The following CTNNA2 variants were observed in gnomAD, a reference collection of about 807,000 sequenced individuals.
CTNNA2 encodes catenin alpha-2.
Under a neutral mutation model 101.0 loss-of-function variants are expected in CTNNA2, and 42 were observed. The ratio of observed to expected loss-of-function variants is 0.42; its 90% CI spans 0.32 to 0.54. CTNNA2 has a LOEUF of 0.54. Ranked by LOEUF, CTNNA2 falls within the 20% of genes least tolerant of loss-of-function variation. CTNNA2 has a pLI of 0.14. For missense variants in CTNNA2, 871 were observed against 1,223.1 expected (o/e 0.71, Z 4.29); for synonymous variants, 450 against 456.4 (o/e 0.99, Z 0.18).
rs1706500442 is a variant in CTNNA2 at position 80,191,506 on chromosome 2, T to G, written c.1057-201705T>G. ...GCAAGTGAGTCTCACTTCTTCCCAT[T>G]CAGATGCCCTTTTTCTTCCCTTCTT... On this transcript the variant is annotated intron_variant, in intron 7 of 18. Transcript: ENST00000402739. 2.0e-5 allele frequency among the ~76,000 whole-genome samples: 3 copies of G among 152,184 alleles called. 1 individual carries two copies. The South Asian group carries it at 6.2e-4, about 32-fold the overall frequency.
chr2:80,427,599 T>A (rs1286684599), intron 9 of CTNNA2, among the ~76,000 whole-genome samples: 3 of 152,236 alleles, frequency 2.0e-5, no homozygotes, highest in Non-Finnish European at 2.9e-5. Context: ...CTTCATCTTC[T>A]TGACTTAGTT....
intron 7 of CTNNA2, among the ~76,000 whole-genome samples, chr2:80,355,143 C>T (rs145122639): frequency 6.6e-6 from 1 of 152,252 alleles, no homozygotes; most frequent in African/African-American, 2.4e-5. Flanking sequence ...TAGCAGACAT[C>T]GCTATATGCC....
chr2:80,102,216 A>G (rs1197056693), intron 7 of CTNNA2, among the ~76,000 whole-genome samples: 1 of 152,248 alleles, frequency 6.6e-6, no homozygotes, highest in African/African-American at 2.4e-5. Flanking sequence ...AATCTTTCTC[A>G]TATCTTCCTC....
At chr2:79,591,868 A>G (rs1027725399) in intron 1 of CTNNA2, among the ~76,000 whole-genome samples, 1 of 150,666 alleles carries the variant, frequency 6.6e-6, no homozygotes, top group African/African-American at 2.4e-5. Flanking sequence ...GTTATTTTGG[A>G]AGCTGTTTTA....
chr2:80,334,610 TAG>T lies in CTNNA2; in HGVS notation c.1057-58598_1057-58597del, dbSNP rs530168474. Reference sequence around the variant, plus strand: ...CAGACATCCCACACTCTTTCTAACATAGAGTCTTTGAATGTGATTATTTTTCC... The same window carrying T: ...CAGACATCCCACACTCTTTCTAACATAGTCTTTGAATGTGATTATTTTTCC... On this transcript the variant is annotated intron_variant, in intron 7 of 18. Transcript: ENST00000402739. Among the ~76,000 whole-genome samples, 1,046 of 152,336 alleles carry T rather than the reference TAG, an allele frequency of 6.9e-3. 6 individuals are homozygous for T. The highest frequency in any genetic ancestry group is 0.011 in the Non-Finnish European group (729 of 68,032).
At chr2:80,389,930 A>G (rs1310310614) in intron 7 of CTNNA2, among the ~76,000 whole-genome samples, 1 of 152,226 alleles carries the variant, frequency 6.6e-6, no homozygotes, top group Non-Finnish European at 1.5e-5. Flanking sequence ...CAAGAGTAAC[A>G]TGGAATGATT....
At chr2:80,547,053 C>T (rs370465767) in intron 11 of CTNNA2, among the ~76,000 whole-genome samples, 3 of 152,178 alleles carry the variant, frequency 2.0e-5, no homozygotes, top group African/African-American at 7.2e-5. Context: ...CAGACAGGAC[C>T]TCTGACTGCA....
At chr2:79,968,357 C>A (rs1452906189) in intron 7 of CTNNA2, among the ~76,000 whole-genome samples, 1 of 152,134 alleles carries the variant, frequency 6.6e-6, no homozygotes, top group Admixed American at 6.6e-5. Flanking sequence ...ATACAAAATT[C>A]ATGAGAACAG....
chr2:80,013,652 C>T (rs78217611), intron 7 of CTNNA2, among the ~76,000 whole-genome samples: 41 of 152,276 alleles, frequency 2.7e-4, no homozygotes, highest in African/African-American at 5.8e-4. Context: ...CTTCCACCCA[C>T]GTAATTTACC....
intron 13 of CTNNA2, among the ~76,000 whole-genome samples, chr2:80,580,841 C>A (rs1041449016): frequency 1.3e-5 from 2 of 152,068 alleles, no homozygotes; most frequent in African/African-American, 4.8e-5. Context: ...GTGGTGAAAC[C>A]TTGTCTCTAC....
At chr2:79,390,496 A>G (rs1188288227) in intron 4 of CTNNA2, among the ~76,000 whole-genome samples, 1 of 152,172 alleles carries the variant, frequency 6.6e-6, no homozygotes, top group African/African-American at 2.4e-5. Flanking sequence ...TACTTCATCC[A>G]GACATGAATT....
At chr2:80,038,198 C>CT (rs1695792336) in intron 7 of CTNNA2, among the ~76,000 whole-genome samples, 1 of 152,220 alleles carries the variant, frequency 6.6e-6, no homozygotes, top group African/African-American at 2.4e-5. Context: ...CGGGATCCTG[C>CT]TAAGATGAGC....
rs139133613 is a variant in CTNNA2 at position 80,127,463 on chromosome 2, C to A, written c.1056+217666C>A. On this transcript the variant is annotated intron_variant, in intron 7 of 18. Coordinates refer to ENST00000402739, the MANE Select transcript of CTNNA2 (RefSeq NM_001282597.3). ...GTTTCATAATGATCAGCCTTTCCCTCCAACCATCTAACATGACAGATGTGG... is the reference window on the plus strand; with the variant it reads ...GTTTCATAATGATCAGCCTTTCCCTACAACCATCTAACATGACAGATGTGG... 2.0e-5 allele frequency among the ~76,000 whole-genome samples: 3 copies of A among 152,244 alleles called. No homozygotes were observed. In the East Asian group the frequency reaches 5.8e-4, roughly 29 times the overall value.
At chr2:79,660,382 A>G (rs1201333656) in intron 2 of CTNNA2, among the ~76,000 whole-genome samples, 1 of 151,256 alleles carries the variant, frequency 6.6e-6, no homozygotes, top group East Asian at 1.9e-4. Context: ...CATATATAGT[A>G]TACACATACA....
chr2:80,438,458 G>A (rs555302923), intron 9 of CTNNA2, among the ~76,000 whole-genome samples: 2 of 151,780 alleles, frequency 1.3e-5, no homozygotes, highest in East Asian at 3.9e-4. Flanking sequence ...TTGAGAGAAG[G>A]GAAGCAGAAA....
chr2:79,525,339 G>C (rs1456402433), intron 1 of CTNNA2, among the ~76,000 whole-genome samples: 5 of 151,940 alleles, frequency 3.3e-5, no homozygotes, highest in African/African-American at 1.2e-4. Context: ...CACGAAAATG[G>C]TTATTTTGAA....
chr2:79,642,915 C>T (rs567940842), intron 1 of CTNNA2, among the ~76,000 whole-genome samples: 61 of 152,012 alleles, frequency 4.0e-4, no homozygotes, highest in East Asian at 9.7e-4. Flanking sequence ...ATTAACAGGC[C>T]GGGCACGGTG....
chr2:80,162,705 A>G lies in CTNNA2; in HGVS notation c.1057-230506A>G, dbSNP rs556458544. 35 of 1,612,660 alleles carry G rather than the reference A, an allele frequency of 2.2e-5. No homozygotes were observed. In the African/African-American group the frequency reaches 4.5e-4, roughly 21 times the overall value. On this transcript the variant is annotated intron_variant, in intron 7 of 18. Transcript: ENST00000402739. ...CCACTGGGAGCTTGAAGACTGATTA[A>G]AACTATGACTGTGTGATTGAACTGA...
intron 9 of CTNNA2, among the ~76,000 whole-genome samples, chr2:80,482,892 T>A (rs1686258252): frequency 6.6e-6 from 1 of 152,148 alleles, no homozygotes; most frequent in African/African-American, 2.4e-5. Flanking sequence ...ATACTCACCA[T>A]TCCCTGGTGC....
Sources: gnomAD v4.1 joint callset for allele counts (sites outside exome capture counted in the v4.1 genomes callset) on GRCh38, gnomAD v4.1.1 for gene constraint, MANE v1.5 for transcripts, NCBI Gene and HGNC (gene_info 2026-07-23, HGNC 2026-07-21) for gene names.